TLL2: variants seen among roughly 807,000 people sequenced by gnomAD.
TLL2 encodes tolloid like 2, also known as tolloid-like protein 2.
Under a neutral mutation model 123.0 loss-of-function variants are expected in TLL2, and 106 were observed. The observed-to-expected ratio is 0.86, with a 90% CI of 0.74 to 1.01. The LOEUF (loss-of-function observed/expected upper bound fraction) is 1.01. Among genes scored for constraint, TLL2 ranks in the 50% least tolerant of loss-of-function variants. The probability of loss-of-function intolerance (pLI) is 0.00; values close to 1 mark genes in which losing one functional copy is unlikely to be tolerated. For synonymous variants in TLL2, 494 were observed against 516.8 expected, an observed-to-expected ratio of 0.96 and a Z score of 0.60; for missense variants, 1,332 against 1,336.7, an observed-to-expected ratio of 1.00 and a Z score of 0.06.
intron 16 of TLL2, among the ~76,000 whole-genome samples, chr10:96,382,833 C>A (rs571002378): frequency 1.3e-5 from 2 of 152,306 alleles, no homozygotes; most frequent in Non-Finnish European, 2.9e-5. Flanking sequence ...TCTGTCATAG[C>A]AGCACAAAAT....
chr10:96,446,901 G>A (rs1313065701), intron 2 of TLL2, among the ~76,000 whole-genome samples: 2 of 152,256 alleles, frequency 1.3e-5, no homozygotes, highest in Admixed American at 6.5e-5. Flanking sequence ...AGGCAGGTGA[G>A]TTCCTGCTCT....
chr10:96,439,016 G>C (rs1357286157), intron 3 of TLL2, among the ~76,000 whole-genome samples: 2 of 150,540 alleles, frequency 1.3e-5, no homozygotes, highest in African/African-American at 4.9e-5. Context: ...ACTGGGTTAT[G>C]CTGTATAATT....
intron 18 of TLL2, chr10:96,375,396 T>TG (rs2134052295): frequency 6.6e-6 from 1 of 152,342 alleles, no homozygotes; most frequent in Non-Finnish European, 1.5e-5. Flanking sequence ...CGTGAGTCTG[T>TG]GAGCCTCGGG....
chr10:96,410,914 CTAATAA>C (rs1422710453), intron 8 of TLL2, among the ~76,000 whole-genome samples: 1 of 152,064 alleles, frequency 6.6e-6, no homozygotes, highest in Non-Finnish European at 1.5e-5. Context: ...ATTATTATTG[CTAATAA>C]TAATATCGGT....
At chr10:96,457,217 C>T (rs564619057) in intron 2 of TLL2, among the ~76,000 whole-genome samples, 7 of 152,200 alleles carry the variant, frequency 4.6e-5, no homozygotes. Flanking sequence ...GACCACACTG[C>T]AGCCTAGGCT....
chr10:96,392,318 CA>C (rs1846297064), intron 13 of TLL2, among the ~76,000 whole-genome samples: 1 of 152,192 alleles, frequency 6.6e-6, no homozygotes, highest in Non-Finnish European at 1.5e-5. Context: ...ATAAAAAAAT[CA>C]GGAGGTCCAG....
chr10:96,385,960 C>G (rs1846230442), intron 15 of TLL2, 95 bp downstream of exon 15: 15 of 1,322,220 alleles, frequency 1.1e-5, no homozygotes, highest in Non-Finnish European at 1.4e-5. Flanking sequence ...TCAGTCAACA[C>G]AAGCCATCTC....
Position 96,405,346 on chromosome 10 carries a change from T to C in TLL2, c.1165-12A>G. ...AAGTTTAATACGATCTGTAAAGAAT[T>C]ACCATAAAGTGAGTTTTGGCAGCAA... On this transcript the variant is annotated splice_polypyrimidine_tract_variant and intron_variant, in intron 9 of 20. Transcript: ENST00000357947. 2 of 1,613,302 alleles carry C rather than the reference T, an allele frequency of 1.2e-6. No homozygotes were observed. Among genetic ancestry groups the C allele is most frequent in the Non-Finnish European group, 1.7e-6 (2 of 1,179,300 alleles).
intron 2 of TLL2, among the ~76,000 whole-genome samples, chr10:96,479,925 C>T (rs1321805775): frequency 6.6e-6 from 1 of 152,214 alleles, no homozygotes; most frequent in Admixed American, 6.5e-5. Flanking sequence ...CAAGACACCA[C>T]ACACAAGTGC....
intron 9 of TLL2, 73 bp from the exon 10 acceptor site, chr10:96,405,407 T>C: frequency 7.2e-7 from 1 of 1,389,032 alleles, no homozygotes; most frequent in Non-Finnish European, 1.0e-6. Context: ...TCTTGCATAC[T>C]GGTGTTCTCA....
At chr10:96,444,670 A>G (rs1445878399) in intron 3 of TLL2, among the ~76,000 whole-genome samples, 3 of 152,226 alleles carry the variant, frequency 2.0e-5, no homozygotes. Context: ...ATATGTGGAA[A>G]AAAGAACCTG....
intron 7 of TLL2, among the ~76,000 whole-genome samples, chr10:96,418,824 A>C (rs1349928812): frequency 4.0e-5 from 6 of 148,252 alleles, no homozygotes; most frequent in Admixed American, 6.7e-5. Flanking sequence ...GAATATATAA[A>C]TTGAATATAT....
intron 5 of TLL2, among the ~76,000 whole-genome samples, chr10:96,427,778 T>A (rs994821035): frequency 6.6e-6 from 1 of 152,146 alleles, no homozygotes; most frequent in Non-Finnish European, 1.5e-5. Context: ...GTTTGGTTTT[T>A]TTTGTTGTTG....
chr10:96,389,781 T>C (rs1378845952), intron 13 of TLL2, among the ~76,000 whole-genome samples: 1 of 152,226 alleles, frequency 6.6e-6, no homozygotes, highest in Non-Finnish European at 1.5e-5. Context: ...GAGAGCCCGG[T>C]GGATGGACCT....
At chr10:96,496,006 G>A (rs1847471538) in intron 1 of TLL2, among the ~76,000 whole-genome samples, 1 of 152,178 alleles carries the variant, frequency 6.6e-6, no homozygotes, top group Admixed American at 6.5e-5. Context: ...AGTCATCTAA[G>A]CAATGTCCTT....
intron 1 of TLL2, among the ~76,000 whole-genome samples, chr10:96,501,229 T>C (rs899785590): frequency 1.2e-4 from 19 of 152,230 alleles, no homozygotes; most frequent in Admixed American, 8.5e-4. Context: ...GTTAAACCAT[T>C]ATCTCCCTTT....
Position 96,405,217 on chromosome 10 carries a change from C to A in TLL2, c.1267+15G>T. On this transcript the variant is annotated intron_variant, in intron 10 of 20. Coordinates refer to ENST00000357947, the MANE Select transcript of TLL2 (RefSeq NM_012465.4). ...CCCATCACTCCTCTCTTAACGGTGT[C>A]TAAAGTCAACTTACCCAAAAGGGGG... 6.2e-7 allele frequency: 1 copy of A among 1,612,248 alleles called. No homozygotes were observed. The highest frequency in any genetic ancestry group is 2.2e-5 in the East Asian group (1 of 44,868).
Position 96,449,057 on chromosome 10 carries a change from C to A in TLL2, c.287-2889G>T, listed in dbSNP as rs78759989. Reference sequence around the variant, plus strand: ...GGGAAAGAATTAGTGTTTACTAAGTCCCAATTATAGTGCAAACCATGTGCT... The same window carrying A: ...GGGAAAGAATTAGTGTTTACTAAGTACCAATTATAGTGCAAACCATGTGCT... On this transcript the variant is annotated intron_variant, in intron 2 of 20. Coordinates refer to ENST00000357947, the MANE Select transcript of TLL2 (RefSeq NM_012465.4). Among the ~76,000 whole-genome samples the A allele has an allele frequency of 6.6e-5, 10 of 152,298 alleles. No homozygotes were observed. The East Asian group carries it at 1.9e-3, about 29-fold the overall frequency.
intron 2 of TLL2, among the ~76,000 whole-genome samples, chr10:96,462,981 A>G (rs2134095377): frequency 6.6e-6 from 1 of 152,370 alleles, no homozygotes; most frequent in Non-Finnish European, 1.5e-5. Context: ...CTCAGCTGGG[A>G]ACATGCAAAT....
Sources: gnomAD v4.1 joint callset for allele counts (sites outside exome capture counted in the v4.1 genomes callset) on GRCh38, gnomAD v4.1.1 for gene constraint, MANE v1.5 for transcripts, NCBI Gene and HGNC (gene_info 2026-07-23, HGNC 2026-07-21) for gene names.